The following TMEM154 variants were observed in gnomAD, a reference collection of about 807,000 sequenced individuals.
TMEM154 encodes the protein transmembrane protein 154.
Under a neutral mutation model 24.5 loss-of-function variants are expected in TMEM154, and 27 were observed. The observed-to-expected ratio is 1.10, with a 90% CI of 0.81 to 1.52. The LOEUF is 1.52. TMEM154 is among the 40% of genes most tolerant of loss of function. The pLI is 0.00. For synonymous variants in TMEM154, 67 were observed against 76.8 expected (o/e 0.87, Z 0.67); for missense variants, 228 against 213.4 (o/e 1.07, Z -0.43).
intron 1 of TMEM154, among the ~76,000 whole-genome samples, chr4:152,677,033 C>T (rs1330020387): frequency 1.3e-5 from 2 of 152,112 alleles, no homozygotes; most frequent in South Asian, 2.1e-4. Context: ...ACGGGGACAC[C>T]CCTGCCCCAC....
chr4:152,644,513 C>G, intron 3 of TMEM154, 71 bp from the exon 4 acceptor site: 1 of 1,452,294 alleles, frequency 6.9e-7, no homozygotes, highest in Admixed American at 1.7e-5. Flanking sequence ...TCAACAACAG[C>G]TGAAGTCTCC....
At chr4:152,649,675 A>C (rs1728335508) in intron 3 of TMEM154, among the ~76,000 whole-genome samples, 1 of 152,158 alleles carries the variant, frequency 6.6e-6, no homozygotes, top group East Asian at 1.9e-4. Context: ...CCTAACCCTA[A>C]TCTGACTCAC....
chr4:152,665,850 T>C (rs543959596), intron 1 of TMEM154, among the ~76,000 whole-genome samples: 1 of 150,404 alleles, frequency 6.6e-6, no homozygotes, highest in South Asian at 2.1e-4. Context: ...TGCAGTGGTA[T>C]GAACATGGCT....
Position 152,641,634 on chromosome 4 carries a change from T to C in TMEM154, c.479-649A>G, listed in dbSNP as rs1579514622. Among the ~76,000 whole-genome samples, 5 of 151,774 alleles carry C rather than the reference T, an allele frequency of 3.3e-5. No homozygotes were observed. In the South Asian group the frequency reaches 1.0e-3, roughly 31 times the overall value. On this transcript the variant is annotated intron_variant, in intron 5 of 6. Transcript: ENST00000304385. ...AACAACATAGCAAGAAGAGATTGCC[T>C]TTCTGTGGTGAATTTTTTTCTTCTA...
chr4:152,635,869 T>G (rs1752138776), intron 6 of TMEM154, among the ~76,000 whole-genome samples: 1 of 152,224 alleles, frequency 6.6e-6, no homozygotes, highest in Non-Finnish European at 1.5e-5. Context: ...CATCTAATTC[T>G]TTCCCTAATC....
intron 1 of TMEM154, among the ~76,000 whole-genome samples, chr4:152,678,546 AGTG>A (rs1271292982): frequency 6.4e-5 from 1 of 15,554 alleles, no homozygotes; most frequent in Non-Finnish European, 1.4e-4. Flanking sequence ...GGAGGGGGGC[AGTG>A]GTGGTGGGGG....
rs540740687 is a variant in TMEM154 at position 152,619,051 on chromosome 4, C to T, written c.*9495G>A. ...TCTGTTATTATGGAGCGTGCAGTAG[C>T]GCCAAGCACTTTTCAGGATACAGAG... On this transcript the variant is annotated 3_prime_UTR_variant, in exon 7 of 7. Coordinates refer to ENST00000304385, the MANE Select transcript of TMEM154 (RefSeq NM_152680.3). 4 of 152,266 alleles carry T rather than the reference C, an allele frequency of 2.6e-5. No homozygotes were observed. The highest frequency in any genetic ancestry group is 1.9e-4 in the East Asian group (1 of 5,190). The allele number at this position is 152,266 out of a possible 1,614,324, so 9.4% of individuals were successfully genotyped here.
chr4:152,652,150 CA>C (rs11331840), intron 3 of TMEM154, among the ~76,000 whole-genome samples: 64,625 of 151,650 alleles, frequency 0.43, 14,025 homozygotes, highest in Admixed American at 0.52. Flanking sequence ...GTATTGAAAA[CA>C]TTTGAAATAT....
At chr4:152,636,062 A>G (rs1159587911) in intron 6 of TMEM154, among the ~76,000 whole-genome samples, 2 of 152,236 alleles carry the variant, frequency 1.3e-5, no homozygotes, top group African/African-American at 4.8e-5. Flanking sequence ...AGAAGAAGGA[A>G]GAGGCTGGCT....
At chr4:152,665,269 TCTC>T (rs1728696203) in intron 1 of TMEM154, among the ~76,000 whole-genome samples, 2 of 152,124 alleles carry the variant, frequency 1.3e-5, no homozygotes, top group East Asian at 1.9e-4. Context: ...TTTTTACAGT[TCTC>T]CTTGTGGCTC....
chr4:152,628,597 A>C (rs1185231914), intron 6 of TMEM154, 36 bp from the exon 7 acceptor site: 11 of 1,184,288 alleles, frequency 9.3e-6, no homozygotes, highest in Middle Eastern at 2.7e-4. Flanking sequence ...AAAAAACAAA[A>C]AAAACACACA....
Position 152,640,874 on chromosome 4 carries a change from A to G in TMEM154, c.536+54T>C. 3.1e-6 allele frequency: 3 copies of G among 962,352 alleles called. No homozygotes were observed. In the South Asian group the frequency reaches 4.0e-5, roughly 13 times the overall value. 59.6% of individuals were successfully genotyped at this position (962,352 alleles called of 1,614,324 possible). On this transcript the variant is annotated intron_variant, in intron 6 of 6. Coordinates refer to ENST00000304385, the MANE Select transcript of TMEM154 (RefSeq NM_152680.3). ...CAAAAAGTGTTCCACCCTGGTTCCC[A>G]ATCCCCCCGCCCCCCGCCATATACA...
At chr4:152,663,766 T>G (rs1579532199) in intron 1 of TMEM154, among the ~76,000 whole-genome samples, 1 of 152,264 alleles carries the variant, frequency 6.6e-6, no homozygotes, top group African/African-American at 2.4e-5. Flanking sequence ...ACTTTATTGT[T>G]TATCCAAAAA....
chr4:152,664,338 C>T (rs1215754522), intron 1 of TMEM154, among the ~76,000 whole-genome samples: 1 of 149,178 alleles, frequency 6.7e-6, no homozygotes, highest in African/African-American at 2.5e-5. Flanking sequence ...AATACATGGA[C>T]ACAGGGAGGG....
intron 5 of TMEM154, among the ~76,000 whole-genome samples, chr4:152,641,835 A>G (rs1329298950): frequency 2.0e-5 from 3 of 146,630 alleles, no homozygotes; most frequent in African/African-American, 7.6e-5. Flanking sequence ...ACTGTTAGAA[A>G]TTGTACAAGT....
chr4:152,629,164 CAG>C (rs1310295038), intron 6 of TMEM154, among the ~76,000 whole-genome samples: 1 of 152,250 alleles, frequency 6.6e-6, no homozygotes. Context: ...AGTGCTGATG[CAG>C]AGAGAACCAG....
At chr4:152,674,065 G>A (rs1453291595) in intron 1 of TMEM154, among the ~76,000 whole-genome samples, 2 of 151,806 alleles carry the variant, frequency 1.3e-5, no homozygotes, top group Admixed American at 1.3e-4. Context: ...TAGAAATGTT[G>A]AATAAAACAT....
chr4:152,628,501 C>G lies in TMEM154; in HGVS notation c.*45G>C, dbSNP rs763200686. 4 of 1,502,048 alleles carry G rather than the reference C, an allele frequency of 2.7e-6. No homozygotes were observed. The East Asian group carries it at 1.1e-4, about 42-fold the overall frequency. 93.0% of individuals were successfully genotyped at this position (1,502,048 alleles called of 1,614,324 possible). On this transcript the variant is annotated 3_prime_UTR_variant, in exon 7 of 7. Coordinates refer to ENST00000304385, the MANE Select transcript of TMEM154 (RefSeq NM_152680.3). Reference sequence around the variant, plus strand: ...CCTCTGTTGGCAGCCTCAGCAGACTCCCTCAGGGGCTGCTTCTCTTGGAAA... The same window carrying G: ...CCTCTGTTGGCAGCCTCAGCAGACTGCCTCAGGGGCTGCTTCTCTTGGAAA...
At chr4:152,632,819 G>C (rs747604570) in intron 6 of TMEM154, among the ~76,000 whole-genome samples, 2 of 152,148 alleles carry the variant, frequency 1.3e-5, no homozygotes, top group Admixed American at 1.3e-4. Context: ...TTCTTGCTAT[G>C]TGACATTAGG....
Sources: gnomAD v4.1 joint callset for allele counts (sites outside exome capture counted in the v4.1 genomes callset) on GRCh38, gnomAD v4.1.1 for gene constraint, MANE v1.5 for transcripts, NCBI Gene and HGNC (gene_info 2026-07-23, HGNC 2026-07-21) for gene names.